The following WWOX variants were observed in gnomAD, a reference collection of about 807,000 sequenced individuals.
WWOX encodes the protein WW domain containing oxidoreductase.
WWOX carries 69 observed loss-of-function variants against 46.2 expected under a neutral mutation model. That is an observed-to-expected ratio of 1.49 (90% CI 1.23 to 1.82). The LOEUF (loss-of-function observed/expected upper bound fraction) is 1.82, where lower values mean the gene tolerates loss of function less well. WWOX is among the 40% of genes most tolerant of loss of function. The pLI is 0.00. For synonymous variants in WWOX, 359 were observed against 202.6 expected (o/e 1.77, Z -6.56); for missense variants, 919 against 542.6 (o/e 1.69, Z -6.89).
At chr16:79,124,667 A>G (rs1422908514) in intron 8 of WWOX, among the ~76,000 whole-genome samples, 1 of 152,204 alleles carries the variant, frequency 6.6e-6, no homozygotes, top group Non-Finnish European at 1.5e-5. Flanking sequence ...TGATGGCAAG[A>G]AAAGAAGGGT....
chr16:78,821,616 G>A (rs1407504534), intron 8 of WWOX, among the ~76,000 whole-genome samples: 2 of 152,178 alleles, frequency 1.3e-5, no homozygotes, highest in Admixed American at 1.3e-4. Flanking sequence ...ATGTGTCAAT[G>A]TTTATAACTT....
intron 8 of WWOX, among the ~76,000 whole-genome samples, chr16:78,798,532 C>G (rs993181393): frequency 1.3e-5 from 2 of 151,116 alleles, no homozygotes; most frequent in Non-Finnish European, 2.9e-5. Context: ...AGCATCTTAT[C>G]ATTCACAAGC....
In WWOX at chr16:78,925,842, C is replaced by G. The variant is rs112113477; in HGVS notation, c.1057-285766C>G. ...AGCCTCGCTGAAGCCCTAGTTCTAG[C>G]CTACCAGGATTTGGTCATTTCTTGG... On this transcript the variant is annotated intron_variant, in intron 8 of 8. Transcript: ENST00000566780. 1.0e-3 allele frequency among the ~76,000 whole-genome samples: 156 copies of G among 152,302 alleles called. 1 individual carries two copies. Among genetic ancestry groups the G allele is most frequent in the African/African-American group, 3.6e-3 (149 of 41,570 alleles).
intron 8 of WWOX, among the ~76,000 whole-genome samples, chr16:79,019,973 C>G (rs932956905): frequency 6.6e-6 from 1 of 152,210 alleles, no homozygotes; most frequent in Non-Finnish European, 1.5e-5. Flanking sequence ...CAGTTAGCCT[C>G]TCACTTCTCT....
intron 8 of WWOX, among the ~76,000 whole-genome samples, chr16:78,831,781 G>A (rs963768248): frequency 5.3e-5 from 8 of 152,184 alleles, no homozygotes; most frequent in African/African-American, 1.4e-4. Context: ...ATGACCTCCA[G>A]AAGCTTTTAC....
intron 8 of WWOX, among the ~76,000 whole-genome samples, chr16:78,591,292 G>A (rs2045345691): frequency 6.6e-6 from 1 of 152,104 alleles, no homozygotes; most frequent in Non-Finnish European, 1.5e-5. Flanking sequence ...ACACACTTAG[G>A]CTGACATCTC....
intron 5 of WWOX, among the ~76,000 whole-genome samples, chr16:78,220,721 T>TA (rs2036859946): frequency 6.6e-6 from 1 of 152,222 alleles, no homozygotes; most frequent in South Asian, 2.1e-4. Flanking sequence ...CAAATGCTGG[T>TA]ATGACTAACA....
At chr16:78,824,514 G>A (rs749283048) in intron 8 of WWOX, among the ~76,000 whole-genome samples, 3 of 152,064 alleles carry the variant, frequency 2.0e-5, no homozygotes, top group South Asian at 2.1e-4. Flanking sequence ...TGTTTTTCAC[G>A]CTGCTGATAA....
intron 8 of WWOX, among the ~76,000 whole-genome samples, chr16:78,680,319 G>A (rs2047699290): frequency 6.6e-6 from 1 of 152,140 alleles, no homozygotes; most frequent in Non-Finnish European, 1.5e-5. Flanking sequence ...TGAGGTGGGA[G>A]GATTGCGTGA....
chr16:78,235,439 G>A (rs960619388), intron 5 of WWOX, among the ~76,000 whole-genome samples: 1 of 152,106 alleles, frequency 6.6e-6, no homozygotes, highest in African/African-American at 2.4e-5. Flanking sequence ...TCATAAAGGA[G>A]GTTAAAGAAA....
chr16:78,941,859 G>T lies in WWOX; in HGVS notation c.1057-269749G>T, dbSNP rs145802121. Among the ~76,000 whole-genome samples, 440 of 152,186 alleles carry T rather than the reference G, an allele frequency of 2.9e-3. 3 individuals are homozygous for T. Among genetic ancestry groups the T allele is most frequent in the African/African-American group, 0.01 (423 of 41,516 alleles). ...TTTTTTCTTTTTTTGTAATCATGGT[G>T]GTTCTTTTTGCCCACTTATTTAGGC... On this transcript the variant is annotated intron_variant, in intron 8 of 8. Transcript: ENST00000566780.
chr16:79,138,366 C>A (rs1056691753), intron 8 of WWOX, among the ~76,000 whole-genome samples: 2 of 152,176 alleles, frequency 1.3e-5, no homozygotes. Flanking sequence ...ATGATGTATC[C>A]TTCAGTACGC....
intron 1 of WWOX, among the ~76,000 whole-genome samples, chr16:78,103,383 C>T (rs1028171991): frequency 6.6e-6 from 1 of 151,960 alleles, no homozygotes. Flanking sequence ...GTTGTTCAGC[C>T]CCCCGTGCAT....
intron 5 of WWOX, among the ~76,000 whole-genome samples, chr16:78,365,018 C>G (rs1198520596): frequency 6.6e-6 from 1 of 152,150 alleles, no homozygotes; most frequent in Admixed American, 6.5e-5. Context: ...ATGGGTTGAG[C>G]TGTGGGTAAT....
intron 8 of WWOX, among the ~76,000 whole-genome samples, chr16:78,675,957 A>T (rs1383614794): frequency 6.6e-6 from 1 of 152,204 alleles, no homozygotes; most frequent in Non-Finnish European, 1.5e-5. Context: ...CTGTCCCACC[A>T]CAAACCATTT....
At chr16:78,484,313 A>G (rs968284694) in intron 8 of WWOX, among the ~76,000 whole-genome samples, 1 of 152,214 alleles carries the variant, frequency 6.6e-6, no homozygotes, top group African/African-American at 2.4e-5. Flanking sequence ...ATTTTCATCT[A>G]AGACCCTTTT....
At chr16:78,115,523 A>ATAC (rs2032735045) in intron 4 of WWOX, among the ~76,000 whole-genome samples, 1 of 152,232 alleles carries the variant, frequency 6.6e-6, no homozygotes, top group African/African-American at 2.4e-5. Flanking sequence ...AATACGGGGA[A>ATAC]CAACAAGGTA....
intron 5 of WWOX, among the ~76,000 whole-genome samples, chr16:78,239,064 C>G (rs564115533): frequency 1.2e-4 from 18 of 152,276 alleles, no homozygotes; most frequent in Admixed American, 3.3e-4. Context: ...AACCTGGCCA[C>G]GCATCCCCCG....
At chr16:78,758,687 C>T (rs2049718009) in intron 8 of WWOX, among the ~76,000 whole-genome samples, 1 of 152,138 alleles carries the variant, frequency 6.6e-6, no homozygotes, top group Non-Finnish European at 1.5e-5. Context: ...CCCCTTTCCT[C>T]CCTGTGTGTT....
Sources: allele counts gnomAD v4.1 joint callset (sites outside exome capture counted in the v4.1 genomes callset), GRCh38; gene constraint gnomAD v4.1.1; transcripts MANE v1.5; gene names NCBI Gene and HGNC (gene_info 2026-07-23, HGNC 2026-07-21).